DIS3L2: variants seen among roughly 807,000 people sequenced by gnomAD.
The protein encoded by DIS3L2 is DIS3 like 3'-5' exoribonuclease 2.
Under a neutral mutation model 97.5 loss-of-function variants are expected in DIS3L2, and 34 were observed. The ratio of observed to expected loss-of-function variants is 0.35; its 90% CI spans 0.27 to 0.46. DIS3L2 has a LOEUF of 0.46. Among genes scored for constraint, DIS3L2 ranks in the 20% least tolerant of loss-of-function variants. The probability of loss-of-function intolerance (pLI) is 1.00; values close to 1 mark genes in which losing one functional copy is unlikely to be tolerated. For synonymous variants in DIS3L2, 435 were observed against 445.2 expected, an observed-to-expected ratio of 0.98 and a Z score of 0.29; for missense variants, 1,038 against 1,146.0, an observed-to-expected ratio of 0.91 and a Z score of 1.36.
intron 9 of DIS3L2, among the ~76,000 whole-genome samples, chr2:232,190,956 C>T (rs1040356043): frequency 2.0e-5 from 3 of 152,176 alleles, no homozygotes; most frequent in Non-Finnish European, 4.4e-5. Flanking sequence ...TGCTCTGCTG[C>T]AGTGAGGTCA....
At chr2:232,061,523 TCTA>T (rs1190936102) in intron 5 of DIS3L2, among the ~76,000 whole-genome samples, 1 of 152,238 alleles carries the variant, frequency 6.6e-6, no homozygotes, top group Non-Finnish European at 1.5e-5. Flanking sequence ...CACGTATAGT[TCTA>T]CTGCATTTTA....
intron 8 of DIS3L2, 118 bp downstream of exon 8, chr2:232,136,837 G>T: frequency 7.6e-7 from 1 of 1,318,196 alleles, no homozygotes; most frequent in Non-Finnish European, 1.0e-6. Flanking sequence ...ACGGTTTCTG[G>T]TGTATTTTGG....
intron 1 of DIS3L2, among the ~76,000 whole-genome samples, chr2:232,001,104 G>C (rs1228091300): frequency 6.6e-6 from 1 of 152,060 alleles, no homozygotes; most frequent in Non-Finnish European, 1.5e-5. Context: ...GGGTAGTTCT[G>C]TTTTTAATTT....
At chr2:232,166,926 C>T (rs1559696317) in intron 9 of DIS3L2, among the ~76,000 whole-genome samples, 3 of 151,552 alleles carry the variant, frequency 2.0e-5, no homozygotes. Flanking sequence ...GAGGCCAAGG[C>T]AGGGGAATTG....
chr2:232,342,229 A>G lies in DIS3L2; in HGVS notation c.1582-1116A>G, dbSNP rs540169472. 3.4e-4 allele frequency among the ~76,000 whole-genome samples: 51 copies of G among 149,160 alleles called. No individual in the cohort carries two copies. In the East Asian group the frequency reaches 3.7e-3, roughly 11 times the overall value. ...TATATACACATATATACACATACAT[A>G]TATACACATACACATATATACACAT... On this transcript the variant is annotated intron_variant, in intron 13 of 13. Coordinates refer to the DIS3L2 transcript ENST00000273009.
intron 13 of DIS3L2, among the ~76,000 whole-genome samples, chr2:232,298,388 G>A (rs564269329): frequency 1.8e-4 from 28 of 152,312 alleles, no homozygotes; most frequent in South Asian, 1.7e-3. Context: ...GACCTCAGCT[G>A]CAAAGAGAGA....
intron 11 of DIS3L2, among the ~76,000 whole-genome samples, chr2:232,243,042 T>G (rs1464150889): frequency 6.6e-6 from 1 of 152,188 alleles, no homozygotes; most frequent in Non-Finnish European, 1.5e-5. Context: ...TCAGGCTACC[T>G]TCAGGTACAG....
intron 8 of DIS3L2, among the ~76,000 whole-genome samples, chr2:232,143,702 A>G (rs1484892095): frequency 1.3e-5 from 2 of 152,112 alleles, no homozygotes; most frequent in East Asian, 1.9e-4. Flanking sequence ...CACAGGAAAA[A>G]GAATATATGT....
chr2:232,184,699 G>A (rs2106188410), intron 9 of DIS3L2, among the ~76,000 whole-genome samples: 1 of 152,240 alleles, frequency 6.6e-6, no homozygotes, highest in South Asian at 2.1e-4. Context: ...GTAATTGTGT[G>A]GGCAAATTAT....
intron 10 of DIS3L2, among the ~76,000 whole-genome samples, chr2:232,214,928 T>C (rs1692292769): frequency 6.6e-6 from 1 of 152,226 alleles, no homozygotes; most frequent in Non-Finnish European, 1.5e-5. Flanking sequence ...GCTGTTGAAC[T>C]TACAGGGTTA....
chr2:232,299,971 T>C, intron 13 of DIS3L2, 69 bp from the exon 14 acceptor site: 1 of 1,490,974 alleles, frequency 6.7e-7, no homozygotes, highest in Non-Finnish European at 9.3e-7. Flanking sequence ...TTTATTTTTT[T>C]CATTTCAGCT....
At chr2:232,160,633 T>C (rs1690620529) in intron 8 of DIS3L2, among the ~76,000 whole-genome samples, 1 of 152,076 alleles carries the variant, frequency 6.6e-6, no homozygotes, top group Non-Finnish European at 1.5e-5. Context: ...CCCAGCACTT[T>C]GGGAGGCCGA....
At chr2:232,224,252 A>G (rs1692580573) in intron 10 of DIS3L2, among the ~76,000 whole-genome samples, 1 of 152,220 alleles carries the variant, frequency 6.6e-6, no homozygotes, top group South Asian at 2.1e-4. Context: ...AGTGAGGAAA[A>G]GATGGTTTTA....
chr2:232,340,728 CAAAG>C (rs750962353), downstream of DIS3L2: 10 of 470,354 alleles, frequency 2.1e-5, no homozygotes, highest in Non-Finnish European at 3.5e-5. Context: ...CAGCAGGAGA[CAAAG>C]AACCCAACCT....
intron 1 of DIS3L2, among the ~76,000 whole-genome samples, chr2:231,974,381 T>TC (rs1178643926): frequency 8.5e-5 from 13 of 152,104 alleles, no homozygotes; most frequent in Admixed American, 4.6e-4. Flanking sequence ...AATTTTTTTT[T>TC]CAGTCTTTTT....
intron 1 of DIS3L2, among the ~76,000 whole-genome samples, chr2:231,993,996 T>G (rs1366940470): frequency 6.6e-6 from 1 of 152,044 alleles, no homozygotes; most frequent in African/African-American, 2.4e-5. Flanking sequence ...TCTAAGAGTT[T>G]TATAGTTTTT....
At chr2:232,339,805 G>A (rs767795725), downstream of DIS3L2, 45 of 441,022 alleles carry the variant, frequency 1.0e-4, no homozygotes, top group Non-Finnish European at 1.6e-4. Context: ...TGACCTGCCC[G>A]GCATAGAACT....
intron 13 of DIS3L2, among the ~76,000 whole-genome samples, chr2:232,294,893 A>T (rs574224357): frequency 3.9e-5 from 6 of 152,150 alleles, no homozygotes; most frequent in African/African-American, 1.2e-4. Flanking sequence ...TATTAGCTCC[A>T]TTCCAGACAT....
At chr2:232,114,029 C>T (rs1697623805) in intron 6 of DIS3L2, among the ~76,000 whole-genome samples, 1 of 152,172 alleles carries the variant, frequency 6.6e-6, no homozygotes, top group Non-Finnish European at 1.5e-5. Context: ...CTTGTGGCCT[C>T]CACTCAGGAA....
Sources: gnomAD v4.1 joint callset for allele counts (sites outside exome capture counted in the v4.1 genomes callset) on GRCh38, gnomAD v4.1.1 for gene constraint, MANE v1.5 for transcripts, NCBI Gene and HGNC (gene_info 2026-07-23, HGNC 2026-07-21) for gene names.